BUD13: variants seen among roughly 807,000 people sequenced by gnomAD.
BUD13 encodes the protein BUD13 homolog.
BUD13 carries 47 observed loss-of-function variants against 62.5 expected under a neutral mutation model. The ratio of observed to expected loss-of-function variants is 0.75; its 90% confidence interval spans 0.60 to 0.96. The LOEUF (loss-of-function observed/expected upper bound fraction) is 0.96, where lower values mean the gene tolerates loss of function less well. Ranked by LOEUF, BUD13 falls within the 40% of genes least tolerant of loss-of-function variation. The pLI is 0.00. For missense variants in BUD13, 821 were observed against 790.9 expected (o/e 1.04, Z -0.46); for synonymous variants, 293 against 280.1 (o/e 1.05, Z -0.46).
At chr11:116,755,800 A>T (rs991504234) in intron 9 of BUD13, among the ~76,000 whole-genome samples, 3 of 151,332 alleles carry the variant, frequency 2.0e-5, no homozygotes, top group African/African-American at 4.9e-5. Flanking sequence ...TAATTAGTTT[A>T]TTTTTTTTTG....
chr11:116,764,089 T>C (rs2134181225), intron 3 of BUD13, among the ~76,000 whole-genome samples: 1 of 152,370 alleles, frequency 6.6e-6, no homozygotes, highest in African/African-American at 2.4e-5. Flanking sequence ...CCAGAGTCCA[T>C]GTGCAATCTT....
At chr11:116,769,449 G>C (rs1940584871) in intron 2 of BUD13, among the ~76,000 whole-genome samples, 1 of 152,154 alleles carries the variant, frequency 6.6e-6, no homozygotes, top group South Asian at 2.1e-4. Context: ...CAATTTGAAA[G>C]CTTAGTTAAA....
intron 9 of BUD13, among the ~76,000 whole-genome samples, chr11:116,751,251 T>C (rs1940227210): frequency 6.6e-6 from 1 of 152,242 alleles, no homozygotes; most frequent in Non-Finnish European, 1.5e-5. Flanking sequence ...CCCTAGTACC[T>C]ACTACCTAGC....
chr11:116,764,901 T>C (rs1940502111), intron 3 of BUD13, among the ~76,000 whole-genome samples: 1 of 152,122 alleles, frequency 6.6e-6, no homozygotes, highest in African/African-American at 2.4e-5. Flanking sequence ...AAAACACCAA[T>C]ACTTAAGGAA....
chr11:116,766,538 C>T (rs1239571564), intron 2 of BUD13, among the ~76,000 whole-genome samples: 2 of 152,222 alleles, frequency 1.3e-5, no homozygotes, highest in Admixed American at 6.5e-5. Flanking sequence ...AACCCCAGCT[C>T]GGCCACTTAG....
Position 116,772,906 on chromosome 11 carries a change from G to A in BUD13, c.59C>T (p.Ala20Val). 1 of 1,589,968 alleles carries A rather than the reference G, an allele frequency of 6.3e-7. No individual in the cohort carries two copies. The highest frequency in any genetic ancestry group is 8.6e-7 in the Non-Finnish European group (1 of 1,168,872). Residue 20 changes from alanine to valine, a missense_variant, in exon 1 of 10, where the codon GCA becomes GTA. Coordinates refer to ENST00000260210, the MANE Select transcript of BUD13 (RefSeq NM_032725.4). Reference protein sequence around the residue: ...AEYLKRYLSGADAGVDRGSES... With the variant: ...AEYLKRYLSGVDAGVDRGSES... The stretch of plus-strand genomic sequence containing the variant: ...AGATCCCCGGTCGACGCCGGCATCT[G>A]CCCCGGACAAGTAACGCTTCAGATA...
intron 9 of BUD13, among the ~76,000 whole-genome samples, chr11:116,750,319 T>A (rs1385095322): frequency 6.6e-6 from 1 of 152,128 alleles, no homozygotes; most frequent in African/African-American, 2.4e-5. Context: ...AGGTAGTGAG[T>A]GGACCTCAAA....
intron 9 of BUD13, among the ~76,000 whole-genome samples, chr11:116,752,192 C>T (rs1055781563): frequency 6.6e-6 from 1 of 152,056 alleles, no homozygotes; most frequent in Admixed American, 6.6e-5. Context: ...GTGATCTGCC[C>T]GCCTCGGCCT....
intron 9 of BUD13, among the ~76,000 whole-genome samples, chr11:116,755,888 A>C (rs1365364625): frequency 6.6e-6 from 1 of 152,108 alleles, no homozygotes; most frequent in Non-Finnish European, 1.5e-5. Flanking sequence ...CCACATCAAC[A>C]AAAGCTTTTT....
intron 9 of BUD13, 125 bp downstream of exon 9, chr11:116,757,021 G>T: frequency 1.2e-6 from 1 of 835,170 alleles, no homozygotes; most frequent in Non-Finnish European, 1.9e-6. Flanking sequence ...AGAAAAAGAA[G>T]CAAGCAAAGT....
intron 4 of BUD13, among the ~76,000 whole-genome samples, chr11:116,762,127 C>G (rs1940441279): frequency 6.6e-6 from 1 of 152,066 alleles, no homozygotes; most frequent in African/African-American, 2.4e-5. Flanking sequence ...CTGAGGAAGA[C>G]TACGTTAAGA....
At chr11:116,770,550 A>T (rs1940608570) in intron 1 of BUD13, among the ~76,000 whole-genome samples, 1 of 148,864 alleles carries the variant, frequency 6.7e-6, no homozygotes, top group African/African-American at 2.5e-5. Context: ...GCTGGAGTGC[A>T]GTGGCACGAT....
At chr11:116,769,014 C>CAAAAAAA (rs34626460) in intron 2 of BUD13, among the ~76,000 whole-genome samples, 7 of 90,156 alleles carry the variant, frequency 7.8e-5, no homozygotes, top group South Asian at 3.7e-4. Flanking sequence ...GACTCCGTCT[C>CAAAAAAA]AAAAAAAAAA....
chr11:116,757,362 C>A lies in BUD13; in HGVS notation c.1685-135G>T. On this transcript the variant is annotated intron_variant, in intron 8 of 9. Transcript: ENST00000260210. ...CCAGGCTGGAGTACAGTGGCACGAT[C>A]TCAGCTCACTGCAACCTCTGCCTCC... 4.0e-6 allele frequency: 3 copies of A among 753,306 alleles called. No homozygotes were observed. In the South Asian group the frequency reaches 5.3e-5, roughly 13 times the overall value. The allele number at this position is 753,306 out of a possible 1,614,324, so 46.7% of individuals were successfully genotyped here.
chr11:116,750,163 A>G (rs1485820176), intron 9 of BUD13, among the ~76,000 whole-genome samples: 5 of 152,200 alleles, frequency 3.3e-5, no homozygotes, highest in African/African-American at 1.2e-4. Context: ...ATAGAGTGAG[A>G]ACAGCTAAAA....
chr11:116,769,824 G>A (rs1940591390), intron 2 of BUD13, among the ~76,000 whole-genome samples: 1 of 152,124 alleles, frequency 6.6e-6, no homozygotes, highest in Non-Finnish European at 1.5e-5. Context: ...GGCCAAGGTG[G>A]GTGGATCACC....
chr11:116,760,714 A>G (rs1305275511), intron 5 of BUD13, 21 bp downstream of exon 5: 1 of 1,611,730 alleles, frequency 6.2e-7, no homozygotes, highest in Non-Finnish European at 8.5e-7. Context: ...AAAGAAGGAC[A>G]TGGCTCCTGA....
chr11:116,762,240 C>T (rs57641217), intron 4 of BUD13, among the ~76,000 whole-genome samples: 18,197 of 152,188 alleles, frequency 0.12, 1,558 homozygotes, highest in African/African-American at 0.24. Flanking sequence ...TGACCCTGGC[C>T]ACAACACTAA....
chr11:116,765,018 C>T (rs894807121), intron 3 of BUD13, among the ~76,000 whole-genome samples: 1 of 152,128 alleles, frequency 6.6e-6, no homozygotes, highest in Non-Finnish European at 1.5e-5. Context: ...CTAAAGTCCC[C>T]AAATTCTGCT....
Sources: allele counts gnomAD v4.1 joint callset (sites outside exome capture counted in the v4.1 genomes callset), GRCh38; gene constraint gnomAD v4.1.1; transcripts MANE v1.5; gene names NCBI Gene and HGNC (gene_info 2026-07-23, HGNC 2026-07-21).